The following KAZN variants were observed in gnomAD, a reference collection of about 807,000 sequenced individuals.
KAZN encodes kazrin.
Under a neutral mutation model 87.4 loss-of-function variants are expected in KAZN, and 40 were observed. The ratio of observed to expected loss-of-function variants is 0.46; its 90% CI spans 0.36 to 0.60. KAZN has a LOEUF of 0.60. Ranked by LOEUF, KAZN falls within the 20% of genes least tolerant of loss-of-function variation. KAZN has a pLI of 0.00. For synonymous variants in KAZN, 466 were observed against 458.3 expected (o/e 1.02, Z -0.22); for missense variants, 898 against 1,073.9 (o/e 0.84, Z 2.29).
At chr1:14,786,218 T>C (rs780011440) in intron 1 of KAZN, among the ~76,000 whole-genome samples, 6 of 152,222 alleles carry the variant, frequency 3.9e-5, no homozygotes, top group Non-Finnish European at 8.8e-5. Flanking sequence ...TGTTACTTTC[T>C]TGTCATTTGT....
intron 2 of KAZN, among the ~76,000 whole-genome samples, chr1:14,273,676 C>T (rs1166159891): frequency 6.6e-6 from 1 of 152,230 alleles, no homozygotes. Context: ...AAAGAGCCTT[C>T]TTAAACCACA....
chr1:14,365,368 TGGGGGG>T (rs796259489), intron 2 of KAZN, among the ~76,000 whole-genome samples: 3 of 83,158 alleles, frequency 3.6e-5, no homozygotes, highest in South Asian at 5.1e-4. Flanking sequence ...CCCCCCGGGG[TGGGGGG>T]GGGGGGGGTC....
Position 15,094,765 on chromosome 1 carries a change from C to A in KAZN, c.1429-50C>A. The stretch of plus-strand genomic sequence containing the variant: ...AACAGACCCCCTCTAGGGCAGGAAC[C>A]CCGCCGGCAGCTGTCCCAGCCCCCA... On this transcript the variant is annotated intron_variant, in intron 9 of 14. Transcript: ENST00000376030. The surrounding 1 kb of genome is among the most constrained non-coding windows in gnomAD (Gnocchi z 4.5). 7.1e-7 allele frequency: 1 copy of A among 1,411,482 alleles called. No homozygotes were observed. Among genetic ancestry groups the A allele is most frequent in the Non-Finnish European group, 9.7e-7 (1 of 1,026,448 alleles). The allele number at this position is 1,411,482 out of a possible 1,614,324, so 87.4% of individuals were successfully genotyped here.
chr1:14,855,807 A>G (rs1013241343), intron 1 of KAZN, among the ~76,000 whole-genome samples: 2 of 152,186 alleles, frequency 1.3e-5, no homozygotes, highest in East Asian at 1.9e-4. Flanking sequence ...GGAATTTGAA[A>G]CCACCTCTAA....
In KAZN at chr1:15,094,398, G is replaced by A. The variant is rs747168013; in HGVS notation, c.1428+13G>A. 13 of 1,605,082 alleles carry A rather than the reference G, an allele frequency of 8.1e-6. No individual in the cohort carries two copies. Among genetic ancestry groups the A allele is most frequent in the African/African-American group, 2.7e-5 (2 of 74,764 alleles). ...GAAGAGCGGGAAGGTAGGCAACTCC[G>A]GGCCCCCTATGGGATGCCACCCATG... On this transcript the variant is annotated intron_variant, in intron 9 of 14. Transcript: ENST00000376030. This position sits in a 1 kb window ranked among gnomAD's most constrained non-coding sequence, Gnocchi z 4.5.
At chr1:14,540,389 G>T (rs551728823) in intron 2 of KAZN, among the ~76,000 whole-genome samples, 12 of 152,162 alleles carry the variant, frequency 7.9e-5, no homozygotes, top group Non-Finnish European at 1.6e-4. Context: ...TGAAACTGAG[G>T]CCCCGCGGGG....
At chr1:14,774,921 G>A (rs1484037505) in intron 1 of KAZN, among the ~76,000 whole-genome samples, 3 of 151,478 alleles carry the variant, frequency 2.0e-5, no homozygotes, top group Admixed American at 6.6e-5. Context: ...TTCACCTTAC[G>A]GTATCGATTG....
chr1:14,200,135 A>G (rs993094961), intron 2 of KAZN, among the ~76,000 whole-genome samples: 1 of 152,116 alleles, frequency 6.6e-6, no homozygotes, highest in Non-Finnish European at 1.5e-5. Context: ...ACAGTGAAAA[A>G]TTGGAAACCA....
intron 1 of KAZN, among the ~76,000 whole-genome samples, chr1:14,854,430 C>T (rs955029497): frequency 6.6e-6 from 1 of 152,142 alleles, no homozygotes; most frequent in South Asian, 2.1e-4. Context: ...TTATTTAGCT[C>T]ATGGTTTTGC....
Position 15,056,238 on chromosome 1 carries a change from A to G in KAZN, c.874A>G (p.Thr292Ala). The G allele has an allele frequency of 1.9e-6, 3 of 1,612,478 alleles. No individual in the cohort carries two copies. The highest frequency in any genetic ancestry group is 2.5e-6 in the Non-Finnish European group (3 of 1,179,034). ...CGCAGCCATCCGGCAGAGTCAACAG[A>G]CTCTCTACCACTCACACCCCCCTCA... ...LTAAIRQSQQ[T>A]LYHSHPPHPA... Residue 292 changes from threonine to alanine, a missense_variant, in exon 5 of 15, where the codon ACT (threonine) becomes GCT (alanine). Thr to Ala is a moderately conservative substitution (Grantham distance 58). Around this residue, in one of 3 missense-constraint regions of KAZN, gnomAD observed 521 missense variants for 689.4 expected, o/e 0.76. Coordinates refer to ENST00000376030, the MANE Select transcript of KAZN (RefSeq NM_201628.3). The surrounding 1 kb of genome is among the most constrained non-coding windows in gnomAD (Gnocchi z 5.4).
At chr1:14,186,513 G>A (rs144148150) in intron 2 of KAZN, among the ~76,000 whole-genome samples, 31 of 152,136 alleles carry the variant, frequency 2.0e-4, no homozygotes, top group African/African-American at 6.3e-4. Flanking sequence ...TTGTTTCAGC[G>A]TGCTGTGGTT....
At chr1:14,322,345 G>T (rs184144811) in intron 2 of KAZN, among the ~76,000 whole-genome samples, 1 of 152,304 alleles carries the variant, frequency 6.6e-6, no homozygotes, top group African/African-American at 2.4e-5. Flanking sequence ...TTTGCCCACA[G>T]AAAATGGTAT....
intron 1 of KAZN, among the ~76,000 whole-genome samples, chr1:14,013,200 A>G (rs1286776724): frequency 6.6e-6 from 1 of 152,120 alleles, no homozygotes; most frequent in Non-Finnish European, 1.5e-5. Flanking sequence ...CCCCTCTATG[A>G]ATTTTCTCTG....
chr1:14,386,923 CCA>C (rs1004204472), intron 2 of KAZN, among the ~76,000 whole-genome samples: 163 of 152,304 alleles, frequency 1.1e-3, no homozygotes, highest in African/African-American at 3.8e-3. Context: ...CAACTTGGTT[CCA>C]TTCTCCCCGT....
intron 1 of KAZN, among the ~76,000 whole-genome samples, chr1:14,719,650 C>A (rs1490601662): frequency 6.6e-6 from 1 of 152,158 alleles, no homozygotes; most frequent in Non-Finnish European, 1.5e-5. Flanking sequence ...ACTAACCTGG[C>A]CAACATGGTG....
chr1:14,211,449 C>T (rs1293782226), intron 2 of KAZN, among the ~76,000 whole-genome samples: 1 of 152,154 alleles, frequency 6.6e-6, no homozygotes, highest in African/African-American at 2.4e-5. Context: ...TGGTCTCGAT[C>T]TTGTGACCTC....
At chr1:15,041,564 C>T (rs376127348) in intron 3 of KAZN, among the ~76,000 whole-genome samples, 17 of 151,872 alleles carry the variant, frequency 1.1e-4, no homozygotes, top group South Asian at 1.0e-3. Flanking sequence ...CTCGAACTCT[C>T]GACCTCAGGT....
chr1:14,318,243 CT>C (rs1167543886), intron 2 of KAZN, among the ~76,000 whole-genome samples: 1 of 152,076 alleles, frequency 6.6e-6, no homozygotes, highest in African/African-American at 2.4e-5. Flanking sequence ...TAACACAAGC[CT>C]TTCAGTGACA....
At position 13,937,819 on chromosome 1, in the gene KAZN, A is replaced by C. The variant is rs530977623; in HGVS notation, c.91+44063A>C. 5.3e-5 allele frequency among the ~76,000 whole-genome samples: 8 copies of C among 152,294 alleles called. No homozygotes were observed. The South Asian group carries it at 1.7e-3, about 32-fold the overall frequency. ...GTGTATATTTTTGTTGACTTTGTTA[A>C]AGATCAGCTGGTTGTAGGTATGTGG... On this transcript the variant is annotated intron_variant, in intron 1 of 16. Coordinates refer to the KAZN transcript ENST00000636203.
Sources: allele counts gnomAD v4.1 joint callset (sites outside exome capture counted in the v4.1 genomes callset), GRCh38; gene constraint gnomAD v4.1.1; regional missense constraint gnomAD v4.1.1; non-coding constraint Gnocchi (gnomAD v3.1); transcripts MANE v1.5; gene names NCBI Gene and HGNC (gene_info 2026-07-23, HGNC 2026-07-21).